The following PSG5 variants were observed in gnomAD, a reference collection of about 807,000 sequenced individuals.
PSG5 encodes pregnancy-specific beta-1-glycoprotein 5.
A neutral mutation model predicts 37.7 loss-of-function variants in PSG5; 53 were observed. The observed-to-expected ratio is 1.41, with a 90% CI of 1.13 to 1.77. PSG5 has a LOEUF of 1.77. Among genes scored for constraint, PSG5 ranks in the 40% most tolerant of loss-of-function variants. PSG5 has a pLI of 0.00. For synonymous variants in PSG5, 221 were observed against 155.4 expected (o/e 1.42, Z -3.14); for missense variants, 547 against 405.2 (o/e 1.35, Z -3.00).
Position 43,174,541 on chromosome 19 carries a change from G to A in PSG5, c.964+674C>T, listed in dbSNP as rs1011282135. ...ATACAACCGGTGACTTCAGAGCCAG[G>A]ACGCAACGCAGGAGTCTTCCCTGAG... On this transcript the variant is annotated intron_variant, in intron 4 of 5. Transcript: ENST00000342951. The A allele has an allele frequency of 9.3e-6, 8 of 864,666 alleles. No homozygotes were observed. In the African/African-American group the frequency reaches 9.3e-5, roughly 10 times the overall value. The allele number at this position is 864,666 out of a possible 1,614,324, so 53.6% of individuals were successfully genotyped here.
chr19:43,175,429 A>T lies in PSG5; in HGVS notation c.750T>A (p.Tyr250Ter). ...DLPSIYPSFT[Y>*]YRSGENLYLS... ...AGTAGAGGTTTTCTCCTGAACGGTAATAGGTGAATGAAGGGTAAATGCTGG... is the reference window on the plus strand; with the variant it reads ...AGTAGAGGTTTTCTCCTGAACGGTATTAGGTGAATGAAGGGTAAATGCTGG... The change falls in exon 4 of 6, where the codon TAT becomes TAA. Residue 250 changes from tyrosine to a stop codon, truncating the protein, a stop_gained. Transcript: ENST00000342951. LOFTEE classifies it high-confidence loss of function. 1.2e-6 allele frequency: 2 copies of T among 1,612,570 alleles called. No individual in the cohort carries two copies. Among genetic ancestry groups the T allele is most frequent in the South Asian group, 2.2e-5 (2 of 91,040 alleles).
intron 4 of PSG5, among the ~76,000 whole-genome samples, chr19:43,171,689 T>C (rs1166388084): frequency 6.6e-6 from 1 of 151,348 alleles, no homozygotes. Context: ...GAAAATGGAC[T>C]CTGAGCATGG....
At chr19:43,186,144 T>A (rs891654154) in intron 1 of PSG5, among the ~76,000 whole-genome samples, 198 bp downstream of exon 1, 1 of 151,180 alleles carries the variant, frequency 6.6e-6, no homozygotes, top group Non-Finnish European at 1.5e-5. Context: ...ACCTGGTTAA[T>A]TTTTTGTATT....
intron 2 of PSG5, among the ~76,000 whole-genome samples, chr19:43,182,186 GC>G (rs1171383796): frequency 3.3e-5 from 5 of 151,580 alleles, no homozygotes; most frequent in African/African-American, 1.2e-4. Flanking sequence ...ACCTTACTTT[GC>G]CCAGGGATGG....
chr19:43,179,090 G>A (rs1383591244), intron 2 of PSG5: 1 of 1,611,284 alleles, frequency 6.2e-7, no homozygotes, highest in Non-Finnish European at 8.5e-7. Context: ...CACAGGTTAA[G>A]ATCACAGCCT....
chr19:43,174,425 C>G lies in PSG5; in HGVS notation c.964+790G>C, dbSNP rs138599971. The G allele has an allele frequency of 1.0e-3, 845 of 819,610 alleles. 27 individuals are homozygous for G. The African/African-American group carries it at 0.015, about 14-fold the overall frequency. The allele number at this position is 819,610 out of a possible 1,614,324, so 50.8% of individuals were successfully genotyped here. ...TTGGCACTGCCCCTTTCCTGCCATG[C>G]AGAGCCCCAGGGGTGAATCTCTCTA... On this transcript the variant is annotated intron_variant, in intron 4 of 5. Transcript: ENST00000342951.
chr19:43,170,247 T>G (rs1968876569), intron 4 of PSG5, 109 bp from the exon 5 acceptor site: 6 of 1,027,568 alleles, frequency 5.8e-6, no homozygotes, highest in Admixed American at 4.4e-5. Context: ...TTTCTTCAAG[T>G]ACTACATTAT....
In PSG5 at chr19:43,175,253, C is replaced by A. The variant is rs1381038292; in HGVS notation, c.926G>T (p.Gly309Val). The A allele has an allele frequency of 1.1e-5, 18 of 1,612,574 alleles. No homozygotes were observed. Among genetic ancestry groups the A allele is most frequent in the Admixed American group, 8.3e-5 (5 of 59,904 alleles). ...TGTCATGGATTTGGAGCTTTCCTTG[C>A]CAGTAGCTGAGTTACGAACAGAGCA... ...YTCSVRNSAT[G>V]KESSKSMTVE... is the part of the protein sequence containing the mutation. Residue 309 changes from glycine (G) to valine (V), a missense_variant, in exon 4 of 6, where the codon GGC becomes GTC. Physicochemically the swap from Gly to Val is moderately radical, Grantham distance 109. Transcript: ENST00000342951.
chr19:43,185,123 A>G lies in PSG5; in HGVS notation c.89T>C (p.Leu30Pro). Residue 30 changes from leucine (L) to proline (P), a missense_variant, in exon 2 of 6, where the codon CTG (leucine) becomes CCG (proline). Coordinates refer to ENST00000342951, the MANE Select transcript of PSG5 (RefSeq NM_002781.4). ...LTASLLNFWN[L>P]PITAQVTIEA... ...AATCGTGACTTGAGCAGTGATAGGCAGGTTCCAGAAGTTTAAAAGTGATGC... is the reference window on the plus strand; with the variant it reads ...AATCGTGACTTGAGCAGTGATAGGCGGGTTCCAGAAGTTTAAAAGTGATGC... 1.2e-6 allele frequency: 2 copies of G among 1,608,034 alleles called. No individual in the cohort carries two copies. The highest frequency in any genetic ancestry group is 1.7e-6 in the Non-Finnish European group (2 of 1,176,610).
chr19:43,167,934 T>G lies in PSG5; in HGVS notation c.*310A>C. ...AAAACATTCAAAGAATCAGCACATT[T>G]TCAAATAGAAAATTATGAAAACATT... On this transcript the variant is annotated 3_prime_UTR_variant, in exon 6 of 6. Coordinates refer to ENST00000342951, the MANE Select transcript of PSG5 (RefSeq NM_002781.4). The G allele has an allele frequency of 2.6e-6, 1 of 387,292 alleles. No individual in the cohort carries two copies. Among genetic ancestry groups the G allele is most frequent in the Non-Finnish European group, 4.8e-6 (1 of 210,172 alleles). 24.0% of individuals were successfully genotyped at this position (387,292 alleles called of 1,614,324 possible). A position where few individuals can be genotyped will look rare whatever the true frequency, so the allele number is the denominator to read the frequency against.
chr19:43,178,301 C>T (rs1969054030), intron 2 of PSG5, among the ~76,000 whole-genome samples: 1 of 151,436 alleles, frequency 6.6e-6, no homozygotes, highest in Non-Finnish European at 1.5e-5. Flanking sequence ...ACATAGATCC[C>T]TCTATGTTTT....
chr19:43,183,036 G>A (rs964324130), intron 2 of PSG5, among the ~76,000 whole-genome samples: 1 of 151,062 alleles, frequency 6.6e-6, no homozygotes, highest in Admixed American at 6.6e-5. Flanking sequence ...TAGGGGTGGG[G>A]GAAGAAGCTG....
chr19:43,175,740 T>A (rs1262354663), intron 3 of PSG5, 130 bp downstream of exon 3: 3 of 1,521,948 alleles, frequency 2.0e-6, no homozygotes, highest in African/African-American at 2.8e-5. Flanking sequence ...GGGCAGGGAG[T>A]CATGGCCAGC....
chr19:43,170,214 T>TA, intron 4 of PSG5, 76 bp from the exon 5 acceptor site: 1 of 1,221,346 alleles, frequency 8.2e-7, no homozygotes, highest in Non-Finnish European at 1.2e-6. Flanking sequence ...AAGAGGCATG[T>TA]AGCATGAGGT....
intron 5 of PSG5, among the ~76,000 whole-genome samples, chr19:43,168,676 A>C (rs551517992): frequency 6.6e-6 from 1 of 151,868 alleles, no homozygotes; most frequent in South Asian, 2.1e-4. Flanking sequence ...CCAGCGTAGA[A>C]TACTCATATT....
intron 4 of PSG5, 110 bp from the exon 5 acceptor site, chr19:43,170,248 A>G: frequency 9.7e-7 from 1 of 1,029,054 alleles, no homozygotes; most frequent in Non-Finnish European, 1.4e-6. Context: ...TTCTTCAAGT[A>G]CTACATTATT....
chr19:43,178,601 C>T lies in PSG5; in HGVS notation c.431-2453G>A, dbSNP rs543966118. Among the ~76,000 whole-genome samples the T allele has an allele frequency of 2.1e-3, 322 of 151,646 alleles. 2 individuals carry two copies. Among genetic ancestry groups the T allele is most frequent in the African/African-American group, 5.9e-3 (243 of 41,144 alleles). ...AACACTGAAGTCCCAGCCAAATCCCCGCTGTGTTCACTGATCTGGAGCCTG... is the reference window on the plus strand; with the variant it reads ...AACACTGAAGTCCCAGCCAAATCCCTGCTGTGTTCACTGATCTGGAGCCTG... On this transcript the variant is annotated intron_variant, in intron 2 of 5. Transcript: ENST00000342951.
At position 43,186,487 on chromosome 19, in the gene PSG5, G is replaced by A; in HGVS notation, c.-82C>T. 1 of 1,585,114 alleles carries A rather than the reference G, an allele frequency of 6.3e-7. No individual in the cohort carries two copies. The highest frequency in any genetic ancestry group is 8.6e-7 in the Non-Finnish European group (1 of 1,162,506). ...CCTGAGCACGGCTGTAGGCTGTGCT[G>A]TCCTTCCTCCTTCTGTGCTGAGCCT... On this transcript the variant is annotated 5_prime_UTR_variant, in exon 1 of 6. Coordinates refer to ENST00000342951, the MANE Select transcript of PSG5 (RefSeq NM_002781.4).
Position 43,175,306 on chromosome 19 carries a change from A to C in PSG5, c.873T>G (p.Ile291Met), listed in dbSNP as rs115236666. The C allele has an allele frequency of 6.1e-4, 991 of 1,612,670 alleles. 39 individuals carry two copies. In the African/African-American group the frequency reaches 0.012, roughly 19 times the overall value. ...QSGQKLSIPQITTKHRGLYTC... is the reference protein window; with the variant it reads ...QSGQKLSIPQMTTKHRGLYTC... ...TATAGAGCCCTCTATGCTTTGTAGT[A>C]ATTTGGGGGATAGAGAGCTTTTGTC... Residue 291 changes from isoleucine (I) to methionine (M), a missense_variant, in exon 4 of 6, where the codon ATT becomes ATG. Physicochemically the swap from Ile to Met is conservative, Grantham distance 10 (BLOSUM62 1). Transcript: ENST00000342951.
Sources: allele counts gnomAD v4.1 joint callset (sites outside exome capture counted in the v4.1 genomes callset), GRCh38; gene constraint gnomAD v4.1.1; transcripts MANE v1.5; gene names NCBI Gene and HGNC (gene_info 2026-07-23, HGNC 2026-07-21).